PARN: variants seen among roughly 807,000 people sequenced by gnomAD.
The protein encoded by PARN is poly(A)-specific ribonuclease PARN.
PARN carries 71 observed loss-of-function variants against 102.8 expected under a neutral mutation model. The ratio of observed to expected loss-of-function variants is 0.69; its 90% CI spans 0.57 to 0.84. The LOEUF (loss-of-function observed/expected upper bound fraction) is 0.84, where lower values mean the gene tolerates loss of function less well. Ranked by LOEUF, PARN falls within the 40% of genes least tolerant of loss-of-function variation. The pLI is 0.00. For missense variants in PARN, 782 were observed against 760.9 expected (o/e 1.03, Z -0.33); for synonymous variants, 261 against 252.9 (o/e 1.03, Z -0.30).
chr16:14,479,317 G>A (rs7195036), intron 22 of PARN, among the ~76,000 whole-genome samples: 5,707 of 151,926 alleles, frequency 0.038, 343 homozygotes, highest in African/African-American at 0.13. Flanking sequence ...AGCTATTTGG[G>A]TGGCTGAGGC....
intron 22 of PARN, among the ~76,000 whole-genome samples, chr16:14,459,926 A>G (rs558237406): frequency 6.6e-6 from 1 of 152,324 alleles, no homozygotes; most frequent in South Asian, 2.1e-4. Flanking sequence ...GAATAATTGC[A>G]TATCTATATG....
intron 21 of PARN, among the ~76,000 whole-genome samples, chr16:14,492,446 C>A (rs950473238): frequency 3.3e-5 from 5 of 152,154 alleles, no homozygotes; most frequent in Non-Finnish European, 7.3e-5. Context: ...ACCGCCTGGA[C>A]CCTCACCATG....
intron 22 of PARN, among the ~76,000 whole-genome samples, chr16:14,457,168 A>T (rs763622882): frequency 2.0e-5 from 3 of 152,230 alleles, no homozygotes; most frequent in Non-Finnish European, 2.9e-5. Flanking sequence ...ATATGAACAT[A>T]GTTTACATTC....
chr16:14,520,775 T>C (rs1965696030), intron 21 of PARN, among the ~76,000 whole-genome samples: 1 of 152,142 alleles, frequency 6.6e-6, no homozygotes, highest in Admixed American at 6.5e-5. Context: ...TAAAATATGC[T>C]TCAAAATAAA....
At chr16:14,625,748 A>G (rs751178682) in intron 5 of PARN, among the ~76,000 whole-genome samples, 59 of 152,222 alleles carry the variant, frequency 3.9e-4, no homozygotes, top group Admixed American at 2.2e-3. Flanking sequence ...ACATAACTCA[A>G]TCACTTGAAG....
At chr16:14,463,061 A>C (rs1408364068) in intron 22 of PARN, among the ~76,000 whole-genome samples, 1 of 152,200 alleles carries the variant, frequency 6.6e-6, no homozygotes, top group Non-Finnish European at 1.5e-5. Context: ...GGAAAGAACC[A>C]TCCAAAAGGA....
intron 21 of PARN, among the ~76,000 whole-genome samples, chr16:14,540,307 T>C (rs951351597): frequency 8.5e-5 from 13 of 152,358 alleles, no homozygotes; most frequent in Admixed American, 5.2e-4. Flanking sequence ...TTAACATTCA[T>C]GTGAAAAATA....
At chr16:14,460,859 C>T (rs1335398147) in intron 22 of PARN, among the ~76,000 whole-genome samples, 1 of 152,202 alleles carries the variant, frequency 6.6e-6, no homozygotes. Flanking sequence ...CTCCCCACCA[C>T]TTAGACTTGG....
intron 21 of PARN, 67 bp from the exon 22 acceptor site, chr16:14,482,894 T>C (rs1963461753): frequency 1.4e-6 from 2 of 1,384,658 alleles, no homozygotes; most frequent in Non-Finnish European, 1.9e-6. Flanking sequence ...GATGACACTT[T>C]TGAAATGTGG....
At chr16:14,582,333 AG>A (rs1380386112) in intron 16 of PARN, 42 bp from the exon 17 acceptor site, 1 of 1,295,134 alleles carries the variant, frequency 7.7e-7, no homozygotes, top group South Asian at 1.2e-5. Flanking sequence ...AACAAAGACT[AG>A]TAAGCACATT....
chr16:14,545,611 A>C (rs780692558), intron 21 of PARN, among the ~76,000 whole-genome samples: 11 of 152,232 alleles, frequency 7.2e-5, no homozygotes, highest in Non-Finnish European at 1.5e-4. Context: ...TTAGCTATGT[A>C]CACATAGCTA....
chr16:14,451,951 C>A (rs942871215), intron 22 of PARN, among the ~76,000 whole-genome samples: 1 of 141,976 alleles, frequency 7.0e-6, no homozygotes, highest in Non-Finnish European at 1.5e-5. Flanking sequence ...ATTTGGGAGG[C>A]TGAGGTGGGA....
At chr16:14,593,227 A>C (rs1053836414) in intron 13 of PARN, 74 bp downstream of exon 13, 2 of 831,618 alleles carry the variant, frequency 2.4e-6, no homozygotes, top group African/African-American at 3.4e-5. Flanking sequence ...AGTTCAGTTA[A>C]AAGCATCATA....
At chr16:14,587,566 T>C (rs550094040) in intron 13 of PARN, among the ~76,000 whole-genome samples, 433 of 152,328 alleles carry the variant, frequency 2.8e-3, no homozygotes, top group Non-Finnish European at 4.7e-3. Flanking sequence ...ACTCCTGCAC[T>C]CAAGCAATTC....
intron 21 of PARN, among the ~76,000 whole-genome samples, chr16:14,500,366 T>C (rs1014764760): frequency 2.0e-4 from 31 of 152,072 alleles, no homozygotes; most frequent in Admixed American, 1.3e-3. Context: ...GCTAGAATGG[T>C]TTCTGTAAAC....
intron 18 of PARN, among the ~76,000 whole-genome samples, chr16:14,559,238 ATTTC>A (rs1331621061): frequency 6.6e-6 from 1 of 150,580 alleles, no homozygotes; most frequent in African/African-American, 2.4e-5. Flanking sequence ...TTTTTTTTTT[ATTTC>A]TTTATTTTAT....
intron 2 of PARN, among the ~76,000 whole-genome samples, chr16:14,628,482 G>A (rs1567472405): frequency 1.3e-5 from 2 of 152,130 alleles, no homozygotes; most frequent in African/African-American, 4.8e-5. Context: ...CAGTTCCAGC[G>A]TCTAAAACAT....
intron 21 of PARN, among the ~76,000 whole-genome samples, chr16:14,542,781 A>C (rs768222155): frequency 6.6e-6 from 1 of 152,036 alleles, no homozygotes; most frequent in Non-Finnish European, 1.5e-5. Flanking sequence ...ATATAACCTG[A>C]AGAAGACAAA....
intron 12 of PARN, among the ~76,000 whole-genome samples, chr16:14,597,217 G>A (rs1052352066): frequency 6.6e-6 from 1 of 152,130 alleles, no homozygotes; most frequent in Non-Finnish European, 1.5e-5. Flanking sequence ...ATATTAGTAG[G>A]CAAAGTTTGA....
Sources: allele counts gnomAD v4.1 joint callset (sites outside exome capture counted in the v4.1 genomes callset), GRCh38; gene constraint gnomAD v4.1.1; transcripts MANE v1.5; gene names NCBI Gene and HGNC (gene_info 2026-07-23, HGNC 2026-07-21).